The following TRA2B variants were observed in gnomAD, a reference collection of about 807,000 sequenced individuals.
TRA2B encodes the protein transformer 2 beta homolog.
TRA2B carries 14 observed loss-of-function variants against 41.7 expected under a neutral mutation model. That is an observed-to-expected ratio of 0.34 (90% CI 0.22 to 0.53). TRA2B has a LOEUF of 0.53. Ranked by LOEUF, TRA2B falls within the 20% of genes least tolerant of loss-of-function variation. The probability of loss-of-function intolerance (pLI) is 0.95; values close to 1 mark genes in which losing one functional copy is unlikely to be tolerated. For missense variants in TRA2B, 167 were observed against 396.8 expected, an observed-to-expected ratio of 0.42 and a Z score of 4.92; for synonymous variants, 130 against 128.8, an observed-to-expected ratio of 1.01 and a Z score of -0.06.
chr3:185,923,720 T>A, intron 4 of TRA2B, 76 bp downstream of exon 4: 1 of 1,382,678 alleles, frequency 7.2e-7, no homozygotes, highest in Non-Finnish European at 9.8e-7. Flanking sequence ...CTTGTCCTTA[T>A]CCTAGCAATT....
Position 185,916,639 on chromosome 3 carries a change from A to C in TRA2B, c.*1076T>G, listed in dbSNP as rs1743510653. ...CCCTCAACCCAGCCCAAAATAGCAA[A>C]GATACACCTCAGCCCAAGGAACACA... On this transcript the variant is annotated 3_prime_UTR_variant, in exon 9 of 9. Coordinates refer to ENST00000453386, the MANE Select transcript of TRA2B (RefSeq NM_004593.3). The C allele has an allele frequency of 6.6e-6, 1 of 152,588 alleles. No individual in the cohort carries two copies. Among genetic ancestry groups the C allele is most frequent in the South Asian group, 2.1e-4 (1 of 4,830 alleles). The allele number at this position is 152,588 out of a possible 1,614,324, so 9.5% of individuals were successfully genotyped here.
At chr3:185,920,211 AT>A (rs959545542) in intron 6 of TRA2B, among the ~76,000 whole-genome samples, 13 of 152,234 alleles carry the variant, frequency 8.5e-5, no homozygotes, top group South Asian at 2.1e-4. Flanking sequence ...CAAGGCATCC[AT>A]TTTACCTGCC....
Position 185,918,381 on chromosome 3 carries a change from A to T in TRA2B, c.840T>A (p.Ser280=). 1.9e-6 allele frequency: 3 copies of T among 1,613,730 alleles called. No individual in the cohort carries two copies. Among genetic ancestry groups the T allele is most frequent in the Non-Finnish European group, 2.5e-6 (3 of 1,179,728 alleles). Residue 280 remains serine (S), a synonymous_variant, in exon 8 of 9, where the codon TCT becomes TCA. Coordinates refer to ENST00000453386, the MANE Select transcript of TRA2B (RefSeq NM_004593.3). ...AAAACTTACGAGGTGAGTATGATCG[A>T]GATCTGGAACGTGATCTGTATCCTC... ...SRGGYRSRSR[S]RSYSPRRY
Position 185,921,105 on chromosome 3 carries a change from T to C in TRA2B, c.721A>G (p.Arg241Gly). ...DDRDYYSRSY[R>G]GGGGGGGGWR... ...TGACCTTTCTACCTCATAACTTACC[T>C]GTATGATCTGCTATAGTAGTCCCGA... The change falls in exon 6 of 9, where the codon AGA becomes GGA. Residue 241 changes from arginine (R) to glycine (G), a missense_variant and splice_region_variant. Physicochemically the swap from Arg to Gly is moderately radical, Grantham distance 125. Transcript: ENST00000453386. The C allele has an allele frequency of 6.2e-7, 1 of 1,613,714 alleles. No individual in the cohort carries two copies. The highest frequency in any genetic ancestry group is 8.5e-7 in the Non-Finnish European group (1 of 1,179,680).
intron 1 of TRA2B, among the ~76,000 whole-genome samples, chr3:185,931,216 G>C (rs1180261649): frequency 6.6e-6 from 1 of 152,124 alleles, no homozygotes; most frequent in African/African-American, 2.4e-5. Flanking sequence ...TGAAGGAAAG[G>C]GGACAGTGCA....
intron 1 of TRA2B, chr3:185,936,977 A>C (rs912986916): frequency 2.0e-6 from 2 of 985,330 alleles, no homozygotes; most frequent in African/African-American, 3.5e-5. Flanking sequence ...AAGTATTAGA[A>C]CGCCTCAAAA....
At chr3:185,932,100 C>T (rs1410053212) in intron 1 of TRA2B, among the ~76,000 whole-genome samples, 3 of 152,174 alleles carry the variant, frequency 2.0e-5, no homozygotes, top group Non-Finnish European at 4.4e-5. Context: ...AAGTGCGCCA[C>T]TGAACATTTA....
intron 6 of TRA2B, 123 bp downstream of exon 6, chr3:185,920,981 C>T (rs1743711411): frequency 4.6e-6 from 3 of 651,728 alleles, no homozygotes; most frequent in Non-Finnish European, 7.6e-6. Flanking sequence ...TAACTTTCTA[C>T]TCTGCATTTC....
In TRA2B at chr3:185,916,027, T is replaced by C. The variant is rs553103576; in HGVS notation, c.*1688A>G. 8 of 152,354 alleles carry C rather than the reference T, an allele frequency of 5.3e-5. No homozygotes were observed. The highest frequency in any genetic ancestry group is 1.7e-4 in the African/African-American group (7 of 41,580). 9.4% of individuals were successfully genotyped at this position (152,354 alleles called of 1,614,324 possible). A position where few individuals can be genotyped will look rare whatever the true frequency, so the allele number is the denominator to read the frequency against. On this transcript the variant is annotated 3_prime_UTR_variant, in exon 9 of 9. Coordinates refer to ENST00000453386, the MANE Select transcript of TRA2B (RefSeq NM_004593.3). The stretch of plus-strand genomic sequence containing the variant: ...TGTTTCAAAACTCATTGAGAACAAT[T>C]TGAAATAACCCATCAGGCATATACT...
rs973114463 is a variant in TRA2B at position 185,938,014 on chromosome 3, T to C, written c.-154A>G. 63 of 813,824 alleles carry C rather than the reference T, an allele frequency of 7.7e-5. No individual in the cohort carries two copies. Among genetic ancestry groups the C allele is most frequent in the Non-Finnish European group, 1.1e-4 (56 of 517,184 alleles). The allele number at this position is 813,824 out of a possible 1,614,324, so 50.4% of individuals were successfully genotyped here. Reference sequence around the variant, plus strand: ...CTCCGCACCGCCTCCGCACGGGCTCTAACTCTACCGGATGTGACGCGGCGC... The same window carrying C: ...CTCCGCACCGCCTCCGCACGGGCTCCAACTCTACCGGATGTGACGCGGCGC... On this transcript the variant is annotated 5_prime_UTR_variant, in exon 1 of 9. Coordinates refer to ENST00000453386, the MANE Select transcript of TRA2B (RefSeq NM_004593.3).
chr3:185,937,085 G>A, intron 1 of TRA2B: 2 of 985,348 alleles, frequency 2.0e-6, no homozygotes, highest in Non-Finnish European at 2.4e-6. Context: ...ACGACTTTGT[G>A]GTCTGTCCTA....
At chr3:185,933,654 T>C (rs894422529) in intron 1 of TRA2B, among the ~76,000 whole-genome samples, 1 of 152,022 alleles carries the variant, frequency 6.6e-6, no homozygotes, top group African/African-American at 2.4e-5. Flanking sequence ...AAGGACTATA[T>C]TTTTTTCTGG....
At chr3:185,935,045 T>A in intron 1 of TRA2B, 4 of 985,428 alleles carry the variant, frequency 4.1e-6, no homozygotes, top group Non-Finnish European at 4.8e-6. Context: ...AAGACCAACA[T>A]ACAAATCTCA....
rs1013363540 is a variant in TRA2B, at chr3:185,914,567, CTT to C, written c.*3146_*3147del. ...TAGAACCAATCCAGTATTCTTGTCA[CTT>C]TTAAGTCTTTACATTATATATTAAA... On this transcript the variant is annotated 3_prime_UTR_variant, in exon 9 of 9. Transcript: ENST00000453386. Among the ~76,000 whole-genome samples the C allele has an allele frequency of 7.2e-5, 11 of 152,224 alleles. No individual in the cohort carries two copies. Among genetic ancestry groups the C allele is most frequent in the Non-Finnish European group, 1.6e-4 (11 of 68,028 alleles).
intron 2 of TRA2B, among the ~76,000 whole-genome samples, chr3:185,925,867 A>C (rs1743929552): frequency 6.6e-6 from 1 of 152,228 alleles, no homozygotes. Flanking sequence ...CATATTACTT[A>C]TCTTTTACAA....
intron 1 of TRA2B, among the ~76,000 whole-genome samples, chr3:185,932,086 T>C (rs891547199): frequency 1.3e-5 from 2 of 152,220 alleles, no homozygotes; most frequent in Non-Finnish European, 2.9e-5. Context: ...TTAAGTTGAA[T>C]GTGAAGTGCG....
intron 2 of TRA2B, among the ~76,000 whole-genome samples, chr3:185,926,129 C>T (rs1743940689): frequency 6.6e-6 from 1 of 151,600 alleles, no homozygotes; most frequent in Non-Finnish European, 1.5e-5. Context: ...TGCCTGACCA[C>T]AGGCATAAAT....
chr3:185,933,137 C>T (rs1182015242), intron 1 of TRA2B, among the ~76,000 whole-genome samples: 1 of 152,130 alleles, frequency 6.6e-6, no homozygotes, highest in Non-Finnish European at 1.5e-5. Context: ...AATGCCCAAG[C>T]AGGTTTCCTT....
At position 185,934,026 on chromosome 3, in the gene TRA2B, A is replaced by C. The variant is rs1350306988; in HGVS notation, c.36+3799T>G. 2.2e-4 allele frequency among the ~76,000 whole-genome samples: 33 copies of C among 152,172 alleles called. 1 individual carries two copies. The highest frequency in any genetic ancestry group is 2.2e-3 in the Admixed American group (33 of 15,276). On this transcript the variant is annotated intron_variant, in intron 1 of 8. Coordinates refer to ENST00000453386, the MANE Select transcript of TRA2B (RefSeq NM_004593.3). ...AAAGCAAAGATTTTGGGGGAATTTC[A>C]AGACTGTAATTTGCTACAGTGAAGA...
Sources: gnomAD v4.1 joint callset for allele counts (sites outside exome capture counted in the v4.1 genomes callset) on GRCh38, gnomAD v4.1.1 for gene constraint, MANE v1.5 for transcripts, NCBI Gene and HGNC (gene_info 2026-07-23, HGNC 2026-07-21) for gene names.